The following CATSPERB variants were observed in gnomAD, a reference collection of about 807,000 sequenced individuals.
The protein encoded by CATSPERB is catsper channel auxiliary subunit beta.
Under a neutral mutation model 128.3 loss-of-function variants are expected in CATSPERB, and 93 were observed. The observed-to-expected ratio is 0.72, with a 90% CI of 0.61 to 0.86. The LOEUF (loss-of-function observed/expected upper bound fraction) is 0.86. CATSPERB is among the 40% of genes least tolerant of loss of function. The pLI is 0.00. For missense variants in CATSPERB, 1,153 were observed against 1,329.5 expected, an observed-to-expected ratio of 0.87 and a Z score of 2.06; for synonymous variants, 381 against 448.8, an observed-to-expected ratio of 0.85 and a Z score of 1.91.
At chr14:91,667,009 TAGTGATGTA>T (rs1894996026) in intron 14 of CATSPERB, among the ~76,000 whole-genome samples, 1 of 152,228 alleles carries the variant, frequency 6.6e-6, no homozygotes, top group African/African-American at 2.4e-5. Context: ...ATGCCATAGT[TAGTGATGTA>T]ACTGTACTTG....
chr14:91,684,915 C>T (rs944423196), intron 10 of CATSPERB, among the ~76,000 whole-genome samples: 6 of 151,874 alleles, frequency 4.0e-5, no homozygotes, highest in South Asian at 2.1e-4. Flanking sequence ...CTGCGCTGAC[C>T]GAGGAGTCAC....
intron 2 of CATSPERB, among the ~76,000 whole-genome samples, chr14:91,726,682 C>A (rs1419380756): frequency 6.6e-6 from 1 of 152,172 alleles, no homozygotes; most frequent in African/African-American, 2.4e-5. Context: ...GTTAGAAGAA[C>A]TGTAGATGAG....
At chr14:91,677,715 T>C (rs190705833) in intron 11 of CATSPERB, among the ~76,000 whole-genome samples, 87 of 152,316 alleles carry the variant, frequency 5.7e-4, no homozygotes, top group Admixed American at 1.0e-3. Flanking sequence ...GGGTATATAC[T>C]CTAAGGAAAA....
chr14:91,695,082 CTT>C (rs1306945613), intron 7 of CATSPERB, among the ~76,000 whole-genome samples: 1 of 150,640 alleles, frequency 6.6e-6, no homozygotes, highest in Non-Finnish European at 1.5e-5. Flanking sequence ...TAAAGACAAA[CTT>C]TGCCTTTCTG....
At chr14:91,716,572 G>A (rs575954433) in intron 5 of CATSPERB, among the ~76,000 whole-genome samples, 25 of 151,974 alleles carry the variant, frequency 1.6e-4, no homozygotes, top group African/African-American at 5.3e-4. Context: ...AGCAGATTTC[G>A]TCTCAAAAAA....
chr14:91,669,683 T>C, intron 14 of CATSPERB, 131 bp downstream of exon 14: 1 of 850,962 alleles, frequency 1.2e-6, no homozygotes, highest in South Asian at 2.2e-5. Flanking sequence ...AAATAGTCAA[T>C]AAATATTGTC....
chr14:91,731,354 C>T (rs886972565), intron 1 of CATSPERB, among the ~76,000 whole-genome samples: 1 of 152,152 alleles, frequency 6.6e-6, no homozygotes, highest in African/African-American at 2.4e-5. Flanking sequence ...TACAACTTTT[C>T]CTTATTTGAT....
At chr14:91,593,218 G>A (rs980919802) in intron 22 of CATSPERB, among the ~76,000 whole-genome samples, 1 of 152,244 alleles carries the variant, frequency 6.6e-6, no homozygotes, top group Non-Finnish European at 1.5e-5. Context: ...AGGGAAATGT[G>A]GGGTGGGAGC....
chr14:91,716,167 A>G (rs1187178177), intron 5 of CATSPERB, among the ~76,000 whole-genome samples: 1 of 152,260 alleles, frequency 6.6e-6, no homozygotes, highest in African/African-American at 2.4e-5. Flanking sequence ...TCTGCAAATC[A>G]TATGTGGTAA....
intron 15 of CATSPERB, among the ~76,000 whole-genome samples, chr14:91,647,464 A>G (rs1179241150): frequency 2.0e-5 from 3 of 152,210 alleles, no homozygotes; most frequent in Non-Finnish European, 2.9e-5. Context: ...TACCTCTCCA[A>G]GTATATTAGC....
At chr14:91,582,091 G>A (rs1893215947) in intron 26 of CATSPERB, among the ~76,000 whole-genome samples, 1 of 152,156 alleles carries the variant, frequency 6.6e-6, no homozygotes, top group South Asian at 2.1e-4. Flanking sequence ...CTGCTACTGT[G>A]ATTATTGTGC....
intron 15 of CATSPERB, among the ~76,000 whole-genome samples, chr14:91,639,516 G>C (rs906634496): frequency 6.6e-6 from 1 of 152,104 alleles, no homozygotes; most frequent in Non-Finnish European, 1.5e-5. Context: ...GAGGAAAAGC[G>C]GTTAGGTCTC....
At chr14:91,594,032 A>G (rs967911806) in intron 22 of CATSPERB, among the ~76,000 whole-genome samples, 17 of 152,234 alleles carry the variant, frequency 1.1e-4, no homozygotes, top group Admixed American at 3.3e-4. Flanking sequence ...CCATGTAAGA[A>G]GTGCCTTTTG....
chr14:91,605,376 A>C (rs1893681358), intron 22 of CATSPERB: 1 of 596,714 alleles, frequency 1.7e-6, no homozygotes, highest in South Asian at 2.2e-5. Flanking sequence ...AAAAAGGTTA[A>C]GGTGGCTTTA....
intron 26 of CATSPERB, among the ~76,000 whole-genome samples, chr14:91,584,443 C>T (rs944541347): frequency 6.6e-6 from 1 of 152,200 alleles, no homozygotes; most frequent in Non-Finnish European, 1.5e-5. Flanking sequence ...ATTTTCTTAA[C>T]AATTCTTTTC....
At chr14:91,706,087 C>T (rs1895727230) in intron 6 of CATSPERB, among the ~76,000 whole-genome samples, 1 of 152,198 alleles carries the variant, frequency 6.6e-6, no homozygotes, top group Non-Finnish European at 1.5e-5. Context: ...TAGCTATTTA[C>T]ATTCTCCTCT....
intron 17 of CATSPERB, 117 bp from the exon 18 acceptor site, chr14:91,625,124 T>G (rs1264693485): frequency 4.7e-6 from 3 of 632,888 alleles, no homozygotes; most frequent in East Asian, 5.9e-5. Flanking sequence ...AATATTTGAT[T>G]AACATTTGTT....
chr14:91,716,676 T>G (rs1895945401), intron 5 of CATSPERB, among the ~76,000 whole-genome samples: 1 of 151,820 alleles, frequency 6.6e-6, no homozygotes, highest in South Asian at 2.1e-4. Context: ...AAAAAATATG[T>G]CTATACATAC....
At chr14:91,633,990 A>C (rs1319612005) in intron 17 of CATSPERB, among the ~76,000 whole-genome samples, 2 of 152,188 alleles carry the variant, frequency 1.3e-5, no homozygotes, top group African/African-American at 4.8e-5. Context: ...AAAAAATTAT[A>C]GTTGACCCTT....
Sources: gnomAD v4.1 joint callset for allele counts (sites outside exome capture counted in the v4.1 genomes callset) on GRCh38, gnomAD v4.1.1 for gene constraint, MANE v1.5 for transcripts, NCBI Gene and HGNC (gene_info 2026-07-23, HGNC 2026-07-21) for gene names.